The following UROS variants were observed in gnomAD, a reference collection of about 807,000 sequenced individuals.
UROS encodes the protein uroporphyrinogen-III synthase.
Under a neutral mutation model 33.0 loss-of-function variants are expected in UROS, and 18 were observed. The ratio of observed to expected loss-of-function variants is 0.55; its 90% CI spans 0.38 to 0.81. The LOEUF (loss-of-function observed/expected upper bound fraction) is 0.81. Ranked by LOEUF, UROS falls within the 30% of genes least tolerant of loss-of-function variation. The pLI is 0.00. For synonymous variants in UROS, 114 were observed against 121.1 expected, an observed-to-expected ratio of 0.94 and a Z score of 0.38; for missense variants, 293 against 314.9, an observed-to-expected ratio of 0.93 and a Z score of 0.53.
chr10:125,808,091 G>A lies in UROS; in HGVS notation c.320-604C>T, dbSNP rs1309170235. On this transcript the variant is annotated intron_variant, in intron 5 of 9. Transcript: ENST00000368797. ...TGAGGGGCTATACCAGCACTTTTGT[G>A]AGATCCCTATTCATGAACCAAGTAA... Among the ~76,000 whole-genome samples, 10 of 152,204 alleles carry A rather than the reference G, an allele frequency of 6.6e-5. 1 individual carries two copies. The highest frequency in any genetic ancestry group is 1.5e-4 in the Non-Finnish European group (10 of 68,036).
At chr10:125,788,104 G>A (rs140959878), downstream of UROS, among the ~76,000 whole-genome samples, 413 of 152,328 alleles carry the variant, frequency 2.7e-3, 1 homozygote, top group African/African-American at 9.3e-3. Context: ...ACAGAGGTGT[G>A]TGGGCAGAGC....
intron 4 of UROS, 86 bp from the exon 5 acceptor site, chr10:125,812,374 A>T: frequency 8.2e-7 from 1 of 1,216,134 alleles, no homozygotes; most frequent in Non-Finnish European, 1.2e-6. Context: ...CACCCTAAGA[A>T]ACTGTGAGCA....
At chr10:125,809,461 G>A (rs1852611638) in intron 5 of UROS, among the ~76,000 whole-genome samples, 1 of 152,166 alleles carries the variant, frequency 6.6e-6, no homozygotes, top group Admixed American at 6.5e-5. Flanking sequence ...AATGTTCTCA[G>A]GAGATTTTAT....
rs758236745 is a variant in UROS at position 125,807,547 on chromosome 10, C to T, written c.320-60G>A. On this transcript the variant is annotated intron_variant, in intron 5 of 9. Coordinates refer to ENST00000368797, the MANE Select transcript of UROS (RefSeq NM_000375.3). ...GGTTATTGAAGTCCTTTTGTTCCAGCGTTATTTTTTAACGTGCAAATACAC... is the reference window on the plus strand; with the variant it reads ...GGTTATTGAAGTCCTTTTGTTCCAGTGTTATTTTTTAACGTGCAAATACAC... The T allele has an allele frequency of 3.9e-5, 55 of 1,405,102 alleles. 1 individual carries two copies. The highest frequency in any genetic ancestry group is 9.1e-5 in the East Asian group (4 of 43,848). 87.0% of individuals were successfully genotyped at this position (1,405,102 alleles called of 1,614,324 possible).
Position 125,794,958 on chromosome 10 carries a change from T to A in UROS, c.582A>T (p.Thr194=), listed in dbSNP as rs769889313. The A allele has an allele frequency of 1.6e-5, 26 of 1,613,970 alleles. No individual in the cohort carries two copies. Among genetic ancestry groups the A allele is most frequent in the Non-Finnish European group, 1.9e-5 (23 of 1,180,000 alleles). Residue 194 remains threonine (T), a synonymous_variant, in exon 9 of 10, where the codon ACA becomes ACT. Coordinates refer to ENST00000368797, the MANE Select transcript of UROS (RefSeq NM_000375.3). ...ATGTGAGGCCAGAGGGACTAAAAAATGTGATGCTGGCTGGAACCCCCTGTG... is the reference window on the plus strand; with the variant it reads ...ATGTGAGGCCAGAGGGACTAAAAAAAGTGATGCTGGCTGGAACCCCCTGTG... ...YSQQGVPASI[T]FFSPSGLTYS... is the part of the protein sequence containing the mutation.
intron 1 of UROS, among the ~76,000 whole-genome samples, chr10:125,820,972 C>G (rs1264864457): frequency 1.3e-5 from 2 of 152,170 alleles, no homozygotes; most frequent in Admixed American, 1.3e-4. Context: ...ACCATGAGCT[C>G]AACACTGGGA....
In UROS at chr10:125,788,833, G is replaced by C. The variant is rs750770311; in HGVS notation, c.*35C>G. The C allele has an allele frequency of 4.5e-6, 7 of 1,555,960 alleles. No homozygotes were observed. In the African/African-American group the frequency reaches 6.8e-5, roughly 15 times the overall value. On this transcript the variant is annotated 3_prime_UTR_variant, in exon 10 of 10. Transcript: ENST00000368797. The stretch of plus-strand genomic sequence containing the variant: ...CTCCATCCAGAGCCAGCCCAGCCCA[G>C]GGAGGCTGCATGGGGCCAGCGCTAG...
chr10:125,822,428 T>G (rs1179208317), intron 1 of UROS, among the ~76,000 whole-genome samples: 1 of 152,064 alleles, frequency 6.6e-6, no homozygotes, highest in Non-Finnish European at 1.5e-5. Flanking sequence ...GGGCATGCGA[T>G]TCTCCTGCCT....
intron 1 of UROS, among the ~76,000 whole-genome samples, chr10:125,817,916 CTTAGT>C (rs1201981551): frequency 8.5e-5 from 13 of 152,188 alleles, no homozygotes; most frequent in African/African-American, 3.1e-4. Context: ...GTACAAAGTG[CTTAGT>C]TTAGTTATGC....
intron 1 of UROS, among the ~76,000 whole-genome samples, chr10:125,821,312 G>C (rs551635992): frequency 6.6e-6 from 1 of 152,176 alleles, no homozygotes; most frequent in African/African-American, 2.4e-5. Context: ...GCCTTAACAA[G>C]GAAGGAAATC....
intron 4 of UROS, among the ~76,000 whole-genome samples, chr10:125,814,187 T>A (rs1442103262): frequency 6.6e-6 from 1 of 152,162 alleles, no homozygotes; most frequent in East Asian, 1.9e-4. Flanking sequence ...TAGTAGATAA[T>A]CCCATTACTA....
intron 9 of UROS, chr10:125,791,764 G>A (rs995377488): frequency 1.3e-5 from 2 of 152,168 alleles, no homozygotes; most frequent in Admixed American, 6.6e-5. Flanking sequence ...GTCCGGAATA[G>A]GTAAATCCAT....
chr10:125,799,515 G>A (rs759950877), intron 6 of UROS, among the ~76,000 whole-genome samples: 1 of 152,200 alleles, frequency 6.6e-6, no homozygotes, highest in Non-Finnish European at 1.5e-5. Context: ...ACAGGTGTGC[G>A]AGGGGCCTTG....
chr10:125,794,931 GTA>G lies in UROS; in HGVS notation c.607_608del (p.Tyr203GlnfsTer11), dbSNP rs778948626. The G allele has an allele frequency of 2.5e-6, 4 of 1,614,148 alleles. No individual in the cohort carries two copies. The African/African-American group carries it at 5.3e-5, about 22-fold the overall frequency. On this transcript the variant is annotated frameshift_variant, in exon 9 of 10. Transcript: ENST00000368797. LOFTEE classifies it high-confidence loss of function. ...ITFFSPSGLT[Y>X]SLKHIQELSG... Reference sequence around the variant, plus strand: ...ATAACTCCTGAATGTGCTTGAGACTGTATGTGAGGCCAGAGGGACTAAAAAAT... The same window carrying G: ...ATAACTCCTGAATGTGCTTGAGACTGTGTGAGGCCAGAGGGACTAAAAAAT...
chr10:125,822,408 C>T (rs1007262702), intron 1 of UROS, among the ~76,000 whole-genome samples: 1 of 151,844 alleles, frequency 6.6e-6, no homozygotes, highest in African/African-American at 2.4e-5. Context: ...CTGCAACCTC[C>T]GTCTCCTGGG....
rs1854142551 is a variant in UROS, at chr10:125,823,066, GCGGGCACCCGGT to G, written c.-76_-65del. On this transcript the variant is annotated 5_prime_UTR_variant, in exon 1 of 10. Transcript: ENST00000368797. Reference sequence around the variant, plus strand: ...TGCCCAGCACCCGGCCTGGCACACAGCGGGCACCCGGTCGGGGGGCGGTGTCGCGCAGTCCCA... The same window carrying G: ...TGCCCAGCACCCGGCCTGGCACACAGCGGGGGGCGGTGTCGCGCAGTCCCA... The G allele has an allele frequency of 1.3e-5, 2 of 153,656 alleles. No individual in the cohort carries two copies. The highest frequency in any genetic ancestry group is 4.8e-5 in the African/African-American group (2 of 41,486). 9.5% of individuals were successfully genotyped at this position (153,656 alleles called of 1,614,324 possible).
chr10:125,794,633 G>T (rs1851193227), intron 9 of UROS, among the ~76,000 whole-genome samples: 1 of 152,094 alleles, frequency 6.6e-6, no homozygotes, highest in African/African-American at 2.4e-5. Context: ...AAGCAGGGAA[G>T]ACCATACACA....
At chr10:125,791,225 C>G (rs527875881) in intron 9 of UROS, among the ~76,000 whole-genome samples, 7 of 152,046 alleles carry the variant, frequency 4.6e-5, no homozygotes, top group South Asian at 2.1e-4. Flanking sequence ...AAATGACTAA[C>G]AAACACATAA....
At chr10:125,819,570 C>T (rs1029773142) in intron 1 of UROS, among the ~76,000 whole-genome samples, 17 of 152,098 alleles carry the variant, frequency 1.1e-4, no homozygotes, top group African/African-American at 3.4e-4. Flanking sequence ...CTTGGCCATA[C>T]GTGACTCTGC....
Sources: allele counts gnomAD v4.1 joint callset (sites outside exome capture counted in the v4.1 genomes callset), GRCh38; gene constraint gnomAD v4.1.1; transcripts MANE v1.5; gene names NCBI Gene and HGNC (gene_info 2026-07-23, HGNC 2026-07-21).